TRPC6: variants seen among roughly 807,000 people sequenced by gnomAD.
TRPC6 encodes the protein short transient receptor potential channel 6.
Under a neutral mutation model 90.7 loss-of-function variants are expected in TRPC6, and 55 were observed. That is an observed-to-expected ratio of 0.61 (90% confidence interval 0.49 to 0.76). The LOEUF is 0.76. TRPC6 is among the 30% of genes least tolerant of loss of function. TRPC6 has a pLI of 0.00. For missense variants in TRPC6, 989 were observed against 1,122.7 expected (o/e 0.88, Z 1.70); for synonymous variants, 393 against 393.0 (o/e 1.00, Z 0.00).
chr11:101,543,641 C>T (rs1861227113), intron 1 of TRPC6, among the ~76,000 whole-genome samples: 1 of 152,064 alleles, frequency 6.6e-6, no homozygotes, highest in South Asian at 2.1e-4. Flanking sequence ...GGAAAGGATT[C>T]CCTATTTAAT....
rs747089189 is a variant in TRPC6, at chr11:101,473,757, G to A, written c.1761C>T (p.Asp587=). The change falls in exon 7 of 13, where the codon GAC becomes GAT. Residue 587 remains aspartate, a synonymous_variant. Coordinates refer to ENST00000344327, the MANE Select transcript of TRPC6 (RefSeq NM_004621.6). ...KYYNLARIKW[D]PSDPQIISEG... is the part of the protein sequence containing the mutation. ...CAGATATTATTTGAGGATCAGAGGG[G>A]TCCCACTTTATCCTGGCTAGGAAAA... The A allele has an allele frequency of 6.2e-7, 1 of 1,613,648 alleles. No individual in the cohort carries two copies. The highest frequency in any genetic ancestry group is 1.7e-5 in the Admixed American group (1 of 59,996).
chr11:101,490,465 C>T (rs1859779146), intron 3 of TRPC6, among the ~76,000 whole-genome samples: 1 of 152,058 alleles, frequency 6.6e-6, no homozygotes, highest in Non-Finnish European at 1.5e-5. Context: ...ATCCATCTAT[C>T]TATTTATTTT....
Position 101,455,093 on chromosome 11 carries a change from G to A in TRPC6, c.2493C>T (p.His831=). The A allele has an allele frequency of 1.2e-6, 2 of 1,611,692 alleles. No individual in the cohort carries two copies. The highest frequency in any genetic ancestry group is 1.7e-6 in the Non-Finnish European group (2 of 1,178,464). ...AGCTCCTTATACTTGGTTGTTTATT[G>A]TGCCCAACCTGTAATTTGAAAAGAT... ...KLSLDKKQVG[H]NKQPSIRSSE... The change falls in exon 11 of 13, where the codon CAC becomes CAT. Residue 831 remains histidine (H), a synonymous_variant. Coordinates refer to ENST00000344327, the MANE Select transcript of TRPC6 (RefSeq NM_004621.6).
At chr11:101,567,347 G>GAAA (rs34489792) in intron 1 of TRPC6, among the ~76,000 whole-genome samples, 234 of 149,322 alleles carry the variant, frequency 1.6e-3, no homozygotes, top group East Asian at 4.5e-3. Flanking sequence ...GGGCATCTCT[G>GAAA]AAAAAAAAAA....
intron 1 of TRPC6, among the ~76,000 whole-genome samples, chr11:101,523,329 T>C (rs965167006): frequency 1.3e-5 from 2 of 152,210 alleles, no homozygotes; most frequent in Non-Finnish European, 2.9e-5. Context: ...GTTTTTTCTT[T>C]TACTGGTCAC....
At chr11:101,531,383 T>C (rs1253758028) in intron 1 of TRPC6, among the ~76,000 whole-genome samples, 2 of 152,214 alleles carry the variant, frequency 1.3e-5, no homozygotes, top group Admixed American at 1.3e-4. Flanking sequence ...GAACAGAGAC[T>C]TGACCCCAGG....
rs10590147 is a variant in TRPC6, at chr11:101,507,006, AACACACACACACACACACACACACAC to A, written c.171-2234_171-2209del. On this transcript the variant is annotated intron_variant, in intron 1 of 12. Transcript: ENST00000344327. ...CCTTCACGTATCTCTCTCTCTCTCT[AACACACACACACACACACACACACAC>A]ACACACACACACACACACAGACCCC... Among the ~76,000 whole-genome samples the A allele has an allele frequency of 1.2e-3, 154 of 131,168 alleles. 1 individual carries two copies. Among genetic ancestry groups the A allele is most frequent in the African/African-American group, 4.2e-3 (147 of 35,134 alleles). The allele number at this position is 131,168 out of a possible 152,430, so 86.1% of individuals were successfully genotyped here.
chr11:101,462,540 G>A (rs1166116171), intron 10 of TRPC6, among the ~76,000 whole-genome samples: 2 of 152,088 alleles, frequency 1.3e-5, no homozygotes, highest in East Asian at 3.9e-4. Flanking sequence ...CTTGTAAGTT[G>A]CATTCCTAGG....
chr11:101,474,470 A>G (rs11822192), intron 6 of TRPC6, among the ~76,000 whole-genome samples: 47,616 of 152,032 alleles, frequency 0.31, 8,974 homozygotes, highest in African/African-American at 0.53. Flanking sequence ...AAGGGGAAAA[A>G]CATAATTACA....
chr11:101,556,934 T>C (rs35981117), intron 1 of TRPC6, among the ~76,000 whole-genome samples: 11,209 of 152,228 alleles, frequency 0.074, 562 homozygotes, highest in Non-Finnish European at 0.11. Flanking sequence ...ATCCATTACA[T>C]TGAAAAACAA....
At chr11:101,576,532 T>A (rs2136897952) in intron 1 of TRPC6, among the ~76,000 whole-genome samples, 1 of 152,302 alleles carries the variant, frequency 6.6e-6, no homozygotes. Flanking sequence ...ATACCAAATT[T>A]TAGATGCCAA....
chr11:101,513,273 G>T (rs1860438516), intron 1 of TRPC6, among the ~76,000 whole-genome samples: 1 of 152,204 alleles, frequency 6.6e-6, no homozygotes, highest in Non-Finnish European at 1.5e-5. Flanking sequence ...GCCCATTGAT[G>T]CAGTCCACAC....
At chr11:101,544,467 C>T (rs1386624434) in intron 1 of TRPC6, among the ~76,000 whole-genome samples, 3 of 152,108 alleles carry the variant, frequency 2.0e-5, no homozygotes, top group Non-Finnish European at 4.4e-5. Context: ...ATAGCAAAGA[C>T]CTGGAACCAA....
chr11:101,473,856 T>C, intron 6 of TRPC6, 83 bp from the exon 7 acceptor site: 1 of 1,586,100 alleles, frequency 6.3e-7, no homozygotes, highest in Non-Finnish European at 8.6e-7. Flanking sequence ...GAAAGAAATA[T>C]AGTTATGTTA....
rs1862244383 is a variant in TRPC6 at position 101,583,358 on chromosome 11, G to A, written c.146C>T (p.Pro49Leu). ...GEDGCPQAPL[P>L]CYGYYPCFRG... Reference sequence around the variant, plus strand: ...CAAGCAGGGGTAGTAGCCGTAGCAAGGCAGCGGGGCTTGCGGGCAGCCGTC... The same window carrying A: ...CAAGCAGGGGTAGTAGCCGTAGCAAAGCAGCGGGGCTTGCGGGCAGCCGTC... Residue 49 changes from proline (P) to leucine (L), a missense_variant, in exon 1 of 13, where the codon CCT becomes CTT. Pro to Leu is a moderately conservative substitution (Grantham distance 98). Coordinates refer to ENST00000344327, the MANE Select transcript of TRPC6 (RefSeq NM_004621.6). 1 of 1,594,856 alleles carries A rather than the reference G, an allele frequency of 6.3e-7. No homozygotes were observed. Among genetic ancestry groups the A allele is most frequent in the Non-Finnish European group, 8.5e-7 (1 of 1,171,034 alleles).
In TRPC6 at chr11:101,499,586, G is replaced by GTA. The variant is rs1555002836; in HGVS notation, c.945+4436_945+4437dup. Among the ~76,000 whole-genome samples the GTA allele has an allele frequency of 2.4e-4, 11 of 45,608 alleles. 1 individual carries two copies. The highest frequency in any genetic ancestry group is 5.1e-4 in the South Asian group (1 of 1,960). The allele number at this position is 45,608 out of a possible 152,430, so 29.9% of individuals were successfully genotyped here. A position where few individuals can be genotyped will look rare whatever the true frequency, so the allele number is the denominator to read the frequency against. On this transcript the variant is annotated intron_variant, in intron 2 of 12. Transcript: ENST00000344327. ...ATATACATAAATGGTGTATATATAC[G>GTA]TATATATATACGTATATATGGTATA... is the stretch of plus-strand genomic sequence containing the variant.
chr11:101,482,918 A>C (rs770470315), intron 5 of TRPC6, 31 bp downstream of exon 5: 14 of 1,610,014 alleles, frequency 8.7e-6, no homozygotes, highest in African/African-American at 1.3e-5. Flanking sequence ...AAGACTGCAA[A>C]CAGAAAACAT....
At chr11:101,558,268 G>T (rs1050512446) in intron 1 of TRPC6, among the ~76,000 whole-genome samples, 4 of 124,992 alleles carry the variant, frequency 3.2e-5, no homozygotes, top group Non-Finnish European at 3.4e-5. Flanking sequence ...CATGTATATG[G>T]GTATACATGT....
In TRPC6 at chr11:101,558,460, T is replaced by TACACACACATACACACAC. The variant is rs1861638850; in HGVS notation, c.170+24873_170+24874insGTGTGTGTATGTGTGTGT. On this transcript the variant is annotated intron_variant, in intron 1 of 12. Transcript: ENST00000344327. ...ATACATATATATACACACGCACACATACACACACACACACACACACACACA... is the reference window on the plus strand; with the variant it reads ...ATACATATATATACACACGCACACATACACACACATACACACACACACACACACACACACACACACACA... Among the ~76,000 whole-genome samples, 20 of 50,494 alleles carry TACACACACATACACACAC rather than the reference T, an allele frequency of 4.0e-4. 5 individuals are homozygous for TACACACACATACACACAC. The highest frequency in any genetic ancestry group is 1.7e-3 in the African/African-American group (19 of 11,424). 33.1% of individuals were successfully genotyped at this position (50,494 alleles called of 152,430 possible).
Sources: allele counts gnomAD v4.1 joint callset (sites outside exome capture counted in the v4.1 genomes callset), GRCh38; gene constraint gnomAD v4.1.1; transcripts MANE v1.5; gene names NCBI Gene and HGNC (gene_info 2026-07-23, HGNC 2026-07-21).